Variants in COMMD10 observed in about 807,000 individuals in gnomAD.
The protein encoded by COMMD10 is COMM domain-containing protein 10.
COMMD10 carries 33 observed loss-of-function variants against 28.9 expected under a neutral mutation model. That is an observed-to-expected ratio of 1.14 (90% CI 0.87 to 1.53). The LOEUF is 1.53. Among genes scored for constraint, COMMD10 ranks in the 40% most tolerant of loss-of-function variants. The probability of loss-of-function intolerance (pLI) is 0.00; values close to 1 mark genes in which losing one functional copy is unlikely to be tolerated. For synonymous variants in COMMD10, 110 were observed against 81.7 expected (o/e 1.35, Z -1.87); for missense variants, 310 against 233.4 (o/e 1.33, Z -2.14).
intron 5 of COMMD10, among the ~76,000 whole-genome samples, chr5:116,141,370 C>G (rs1752190287): frequency 6.6e-6 from 1 of 151,570 alleles, no homozygotes; most frequent in Non-Finnish European, 1.5e-5. Context: ...ATACATCTAA[C>G]TTTGTTTTAC....
At chr5:116,223,265 G>A (rs558134196) in intron 5 of COMMD10, among the ~76,000 whole-genome samples, 5 of 151,724 alleles carry the variant, frequency 3.3e-5, no homozygotes, top group Non-Finnish European at 5.9e-5. Context: ...ATTTAGAAAA[G>A]TCAGAGGATT....
At chr5:116,111,244 T>A (rs906466643) in intron 4 of COMMD10, among the ~76,000 whole-genome samples, 1 of 151,440 alleles carries the variant, frequency 6.6e-6, no homozygotes, top group East Asian at 1.9e-4. Context: ...AATTTTTTAA[T>A]TTTTTTTTGG....
At position 116,085,025 on chromosome 5, in the gene COMMD10, A is replaced by T. The variant is rs1336096342; in HGVS notation, c.-28A>T. ...ATTGGCTGGGTTCGGCGCAGCTAACAGACGGCGGCAGTGCGAGAAAGCCGA... is the reference window on the plus strand; with the variant it reads ...ATTGGCTGGGTTCGGCGCAGCTAACTGACGGCGGCAGTGCGAGAAAGCCGA... On this transcript the variant is annotated 5_prime_UTR_variant, in exon 1 of 7. Transcript: ENST00000274458. 6.2e-7 allele frequency: 1 copy of T among 1,600,916 alleles called. No individual in the cohort carries two copies. The highest frequency in any genetic ancestry group is 8.5e-7 in the Non-Finnish European group (1 of 1,175,770).
intron 5 of COMMD10, among the ~76,000 whole-genome samples, chr5:116,227,037 C>A (rs868178981): frequency 6.6e-6 from 1 of 152,026 alleles, no homozygotes; most frequent in Non-Finnish European, 1.5e-5. Context: ...TTATCTGATT[C>A]ACTCTCCCCC....
chr5:116,185,689 C>G (rs1053974440), intron 5 of COMMD10, among the ~76,000 whole-genome samples: 1 of 152,098 alleles, frequency 6.6e-6, no homozygotes, highest in African/African-American at 2.4e-5. Flanking sequence ...CTCCTTAGCT[C>G]TTGCGTTGAA....
chr5:116,180,330 C>T (rs1400175807), intron 5 of COMMD10, among the ~76,000 whole-genome samples: 1 of 152,018 alleles, frequency 6.6e-6, no homozygotes, highest in Non-Finnish European at 1.5e-5. Context: ...TGATCCATTG[C>T]TTAGGATATA....
chr5:116,228,539 T>A (rs1749451546), intron 5 of COMMD10, among the ~76,000 whole-genome samples: 1 of 151,968 alleles, frequency 6.6e-6, no homozygotes, highest in African/African-American at 2.4e-5. Flanking sequence ...TAATTAATAG[T>A]TTTGACAAAG....
chr5:116,174,682 A>G (rs924501396), intron 5 of COMMD10, among the ~76,000 whole-genome samples: 1 of 152,138 alleles, frequency 6.6e-6, no homozygotes, highest in East Asian at 1.9e-4. Context: ...GAGTCATTAA[A>G]GATAACCCCA....
intron 4 of COMMD10, among the ~76,000 whole-genome samples, chr5:116,113,105 C>G (rs1285514594): frequency 6.6e-6 from 1 of 152,132 alleles, no homozygotes; most frequent in Non-Finnish European, 1.5e-5. Context: ...CAATTCTTGG[C>G]TGACAGTTGT....
At chr5:116,291,487 C>T (rs748712175) in intron 5 of COMMD10, 30 bp from the exon 6 acceptor site, 8 of 1,502,902 alleles carry the variant, frequency 5.3e-6, no homozygotes, top group African/African-American at 1.4e-5. Context: ...TGTGCAACTA[C>T]ATTCTTTTTG....
At chr5:116,263,204 A>C (rs976366638) in intron 5 of COMMD10, among the ~76,000 whole-genome samples, 7 of 151,788 alleles carry the variant, frequency 4.6e-5, no homozygotes, top group Non-Finnish European at 8.8e-5. Flanking sequence ...ATGAAACACT[A>C]AGATACGTCT....
chr5:116,211,743 C>G (rs375874747), intron 5 of COMMD10, among the ~76,000 whole-genome samples: 1 of 152,190 alleles, frequency 6.6e-6, no homozygotes, highest in African/African-American at 2.4e-5. Context: ...TAATAAATGT[C>G]TATTTGCAGC....
chr5:116,185,945 A>G (rs945696745), intron 5 of COMMD10, among the ~76,000 whole-genome samples: 2 of 152,104 alleles, frequency 1.3e-5, no homozygotes, highest in Non-Finnish European at 2.9e-5. Context: ...CCCTGGATGA[A>G]TGTTACCTGA....
chr5:116,275,517 A>G (rs150492883), intron 5 of COMMD10, among the ~76,000 whole-genome samples: 71 of 151,478 alleles, frequency 4.7e-4, no homozygotes, highest in African/African-American at 1.5e-3. Context: ...ATTTGTCTCT[A>G]TTGGACTCGT....
intron 5 of COMMD10, among the ~76,000 whole-genome samples, chr5:116,157,678 A>G (rs1752762567): frequency 6.6e-6 from 1 of 152,218 alleles, no homozygotes; most frequent in African/African-American, 2.4e-5. Flanking sequence ...ACATGCTGCA[A>G]AGTCACACTT....
chr5:116,203,504 C>T (rs1748727898), intron 5 of COMMD10, among the ~76,000 whole-genome samples: 1 of 152,006 alleles, frequency 6.6e-6, no homozygotes, highest in Admixed American at 6.6e-5. Context: ...GGTCGGGTTA[C>T]CCACAAAGGG....
chr5:116,211,577 A>G (rs1485820051), intron 5 of COMMD10, among the ~76,000 whole-genome samples: 1 of 152,090 alleles, frequency 6.6e-6, no homozygotes, highest in East Asian at 1.9e-4. Context: ...TCAGTGCATG[A>G]CTATATATAT....
chr5:116,125,401 G>A (rs1751590244), intron 4 of COMMD10, among the ~76,000 whole-genome samples: 1 of 152,192 alleles, frequency 6.6e-6, no homozygotes, highest in Non-Finnish European at 1.5e-5. Context: ...GGCTTGTAGA[G>A]TTTCTACTGA....
chr5:116,155,100 C>G lies in COMMD10; in HGVS notation c.510+20922C>G, dbSNP rs966069328. 6.6e-5 allele frequency among the ~76,000 whole-genome samples: 10 copies of G among 152,188 alleles called. No individual in the cohort carries two copies. In the East Asian group the frequency reaches 1.5e-3, roughly 24 times the overall value. On this transcript the variant is annotated intron_variant, in intron 5 of 6. Coordinates refer to ENST00000274458, the MANE Select transcript of COMMD10 (RefSeq NM_016144.4). The stretch of plus-strand genomic sequence containing the variant: ...ATGAGATCCTGGAAACATATGAGAC[C>G]TTGGCATACATTGACTGAGTAAACA...
Sources: allele counts gnomAD v4.1 joint callset (sites outside exome capture counted in the v4.1 genomes callset), GRCh38; gene constraint gnomAD v4.1.1; transcripts MANE v1.5; gene names NCBI Gene and HGNC (gene_info 2026-07-23, HGNC 2026-07-21).